CADPS2: variants seen among roughly 807,000 people sequenced by gnomAD.
The protein encoded by CADPS2 is calcium dependent secretion activator 2, also known as calcium-dependent secretion activator 2.
CADPS2 carries 93 observed loss-of-function variants against 172.5 expected under a neutral mutation model. The observed-to-expected ratio is 0.54, with a 90% CI of 0.46 to 0.64. CADPS2 has a LOEUF of 0.64. CADPS2 is among the 30% of genes least tolerant of loss of function. The pLI is 0.00. For synonymous variants in CADPS2, 546 were observed against 555.2 expected (o/e 0.98, Z 0.23); for missense variants, 1,420 against 1,565.9 (o/e 0.91, Z 1.57).
intron 1 of CADPS2, among the ~76,000 whole-genome samples, chr7:122,780,402 A>C (rs764575268): frequency 6.6e-6 from 1 of 152,160 alleles, no homozygotes; most frequent in Non-Finnish European, 1.5e-5. Flanking sequence ...TATAAATTAC[A>C]ATAAAATAAT....
At chr7:122,819,115 G>C (rs1400603253) in intron 1 of CADPS2, among the ~76,000 whole-genome samples, 1 of 152,148 alleles carries the variant, frequency 6.6e-6, no homozygotes, top group East Asian at 1.9e-4. Flanking sequence ...CACATCTCCA[G>C]CACACAAGAA....
intron 1 of CADPS2, among the ~76,000 whole-genome samples, chr7:122,883,253 G>C (rs538008092): frequency 1.3e-5 from 2 of 152,188 alleles, no homozygotes; most frequent in Middle Eastern, 3.4e-3. Flanking sequence ...AATAGTGAAC[G>C]GGCTTTGACT....
Position 122,581,112 on chromosome 7 carries a change from C to T in CADPS2, c.1335+67G>A, listed in dbSNP as rs995950416. 4.4e-6 allele frequency: 5 copies of T among 1,136,822 alleles called. No individual in the cohort carries two copies. In the South Asian group the frequency reaches 6.4e-5, roughly 15 times the overall value. 70.4% of individuals were successfully genotyped at this position (1,136,822 alleles called of 1,614,324 possible). On this transcript the variant is annotated intron_variant, in intron 7 of 29. Coordinates refer to ENST00000449022, the MANE Select transcript of CADPS2 (RefSeq NM_017954.11). ...AGTTCACATATGGCATACTGATCTACCTTAATCATGAATCCAAAGAAGTTA... is the reference window on the plus strand; with the variant it reads ...AGTTCACATATGGCATACTGATCTATCTTAATCATGAATCCAAAGAAGTTA...
intron 1 of CADPS2, among the ~76,000 whole-genome samples, chr7:122,750,147 C>T (rs1364270897): frequency 6.6e-6 from 1 of 152,074 alleles, no homozygotes; most frequent in Non-Finnish European, 1.5e-5. Flanking sequence ...AACTGAATGA[C>T]TATTGTATGC....
In CADPS2 at chr7:122,402,798, T is replaced by C. The variant is rs141150798; in HGVS notation, c.2746+4742A>G. Among the ~76,000 whole-genome samples, 1,300 of 152,324 alleles carry C rather than the reference T, an allele frequency of 8.5e-3. 17 individuals are homozygous for C. Among genetic ancestry groups the C allele is most frequent in the African/African-American group, 0.029 (1,224 of 41,574 alleles). On this transcript the variant is annotated intron_variant, in intron 20 of 29. Coordinates refer to ENST00000449022, the MANE Select transcript of CADPS2 (RefSeq NM_017954.11). The stretch of plus-strand genomic sequence containing the variant: ...GCACACACACACAGACTGATGCCGA[T>C]GTAAGCAAGCACTGTTTTTCAACAA...
At chr7:122,670,129 A>G (rs990067377) in intron 2 of CADPS2, among the ~76,000 whole-genome samples, 7 of 152,008 alleles carry the variant, frequency 4.6e-5, no homozygotes, top group African/African-American at 1.7e-4. Context: ...TTTATCTGGC[A>G]GCCACCCTAT....
At chr7:122,483,124 A>C (rs1438517743) in intron 11 of CADPS2, among the ~76,000 whole-genome samples, 1 of 152,212 alleles carries the variant, frequency 6.6e-6, no homozygotes, top group Non-Finnish European at 1.5e-5. Context: ...AAAGCTTGAG[A>C]GGATTGAATT....
rs772691657 is a variant in CADPS2, at chr7:122,663,572, G to A, written c.454-3C>T. On this transcript the variant is annotated splice_region_variant and splice_polypyrimidine_tract_variant and intron_variant, in intron 2 of 29. Transcript: ENST00000449022. Reference sequence around the variant, plus strand: ...ACTCGGTCACTCTTTAGAAAAACCTGAAAACAAAACAAAACAAAACAAAAC... The same window carrying A: ...ACTCGGTCACTCTTTAGAAAAACCTAAAAACAAAACAAAACAAAACAAAAC... 6.4e-7 allele frequency: 1 copy of A among 1,553,648 alleles called. No individual in the cohort carries two copies. The highest frequency in any genetic ancestry group is 8.7e-7 in the Non-Finnish European group (1 of 1,147,394).
intron 2 of CADPS2, among the ~76,000 whole-genome samples, chr7:122,730,956 C>A (rs567517011): frequency 6.7e-6 from 1 of 149,396 alleles, no homozygotes. Flanking sequence ...AAAATGAGTA[C>A]TGTTCCCCAA....
In CADPS2 at chr7:122,325,519, T is replaced by G. The variant is rs1339609611; in HGVS notation, c.3675A>C (p.Gln1225His). 6.2e-7 allele frequency: 1 copy of G among 1,611,240 alleles called. No homozygotes were observed. ...GCGTCTTCAGCTGGTAAATATGGAG[T>G]TGGAGGTCTAATCTATCAGTCAACC... is the stretch of plus-strand genomic sequence containing the variant. The part of the protein sequence containing the change: ...CVWLTDRLDL[Q>H]LHIYQLKTLI... The change falls in exon 29 of 30, where the codon CAA becomes CAC. Residue 1225 changes from glutamine (Q) to histidine (H), a missense_variant. Coordinates refer to ENST00000449022, the MANE Select transcript of CADPS2 (RefSeq NM_017954.11).
At chr7:122,462,279 G>T (rs2054549466) in intron 14 of CADPS2, among the ~76,000 whole-genome samples, 1 of 152,024 alleles carries the variant, frequency 6.6e-6, no homozygotes, top group South Asian at 2.1e-4. Flanking sequence ...CCTAGGAGGA[G>T]AAATTTGTTA....
chr7:122,818,010 ACCCCATCCCTTATTTCTGTG>A (rs1802029522), intron 1 of CADPS2, among the ~76,000 whole-genome samples: 1 of 76,302 alleles, frequency 1.3e-5, no homozygotes, highest in Non-Finnish European at 2.6e-5. Context: ...TTATTTCTGC[ACCCCATCCCTTATTTCTGTG>A]CCCCATCCCT....
rs180695204 is a variant in CADPS2, at chr7:122,595,439, C to T, written c.1224-14149G>A. 8.7e-4 allele frequency among the ~76,000 whole-genome samples: 133 copies of T among 152,148 alleles called. No individual in the cohort carries two copies. The Middle Eastern group carries it at 0.01, about 12-fold the overall frequency. On this transcript the variant is annotated intron_variant, in intron 6 of 29. Coordinates refer to ENST00000449022, the MANE Select transcript of CADPS2 (RefSeq NM_017954.11). ...GGGGTTATAAAAATGTTTTGCTTTA[C>T]ATTTTCTTAATTTGAAGATCTTGGA...
intron 28 of CADPS2, among the ~76,000 whole-genome samples, chr7:122,334,012 A>G (rs534601256): frequency 6.6e-6 from 1 of 152,218 alleles, no homozygotes; most frequent in Admixed American, 6.5e-5. Context: ...ACAGAAAAAT[A>G]ATTAAATACA....
At chr7:122,581,391 TGCTCA>T in intron 6 of CADPS2, 101 bp from the exon 7 acceptor site, 1 of 820,114 alleles carries the variant, frequency 1.2e-6, no homozygotes, top group Non-Finnish European at 2.0e-6. Flanking sequence ...GAATCTTCTG[TGCTCA>T]ATGAGCTTTT....
In CADPS2 at chr7:122,387,140, C is replaced by G; in HGVS notation, c.3198G>C (p.Lys1066Asn). The change falls in exon 24 of 30, where the codon AAG (lysine) becomes AAC (asparagine). Residue 1066 changes from lysine to asparagine, a missense_variant. Transcript: ENST00000449022. ...TGCGCAAGTCAGTTGTTTTGCTTGC[C>G]TTTTGTAGCTTGAGTTCAAATGCAG... ...TRTAFELKLQ[K>N]ASKTTDLRIP... is the part of the protein sequence containing the mutation. 4 of 1,580,120 alleles carry G rather than the reference C, an allele frequency of 2.5e-6. No individual in the cohort carries two copies. The highest frequency in any genetic ancestry group is 3.4e-6 in the Non-Finnish European group (4 of 1,160,796).
chr7:122,451,319 T>G, intron 15 of CADPS2, 55 bp downstream of exon 15: 4 of 935,828 alleles, frequency 4.3e-6, no homozygotes, highest in East Asian at 6.1e-5. Context: ...TTGGGGGAAG[T>G]AAGGGTTGAG....
chr7:122,625,810 C>T (rs1266622801), intron 4 of CADPS2, among the ~76,000 whole-genome samples: 1 of 152,074 alleles, frequency 6.6e-6, no homozygotes, highest in Non-Finnish European at 1.5e-5. Flanking sequence ...TATATACACA[C>T]ATAACATGTA....
intron 7 of CADPS2, among the ~76,000 whole-genome samples, chr7:122,567,957 T>C (rs957541886): frequency 1.3e-5 from 2 of 152,088 alleles, no homozygotes; most frequent in Non-Finnish European, 2.9e-5. Context: ...TATTAAAATA[T>C]AATTGAAATA....
Sources: allele counts gnomAD v4.1 joint callset (sites outside exome capture counted in the v4.1 genomes callset), GRCh38; gene constraint gnomAD v4.1.1; transcripts MANE v1.5; gene names NCBI Gene and HGNC (gene_info 2026-07-23, HGNC 2026-07-21).